FOCAD: variants seen among roughly 807,000 people sequenced by gnomAD.
The protein encoded by FOCAD is focadhesin, also known as KIAA1797.
Under a neutral mutation model 225.6 loss-of-function variants are expected in FOCAD, and 198 were observed. The observed-to-expected ratio is 0.88, with a 90% CI of 0.78 to 0.99. The LOEUF (loss-of-function observed/expected upper bound fraction) is 0.99. FOCAD is among the 50% of genes least tolerant of loss of function. The pLI is 0.00. For synonymous variants in FOCAD, 897 were observed against 755.0 expected (o/e 1.19, Z -3.08); for missense variants, 2,713 against 2,123.6 (o/e 1.28, Z -5.46).
Position 20,793,142 on chromosome 9 carries a change from T to A in FOCAD, c.1455+3534T>A, listed in dbSNP as rs1820710747. Among the ~76,000 whole-genome samples, 5 of 152,108 alleles carry A rather than the reference T, an allele frequency of 3.3e-5. No individual in the cohort carries two copies. In the South Asian group the frequency reaches 1.0e-3, roughly 32 times the overall value. Reference sequence around the variant, plus strand: ...ATGTACAGTACTTTTAATAAATAGCTTGATAGATAAGAAGTAGTGTACTAC... The same window carrying A: ...ATGTACAGTACTTTTAATAAATAGCATGATAGATAAGAAGTAGTGTACTAC... On this transcript the variant is annotated intron_variant, in intron 11 of 43. Transcript: ENST00000338382.
intron 1 of FOCAD, among the ~76,000 whole-genome samples, chr9:20,692,439 G>T (rs10738564): frequency 1.3e-5 from 2 of 152,084 alleles, no homozygotes; most frequent in African/African-American, 4.8e-5. Flanking sequence ...GTTTATGTCC[G>T]GATCTTGCAG....
rs117391951 is a variant in FOCAD, at chr9:20,788,196, T to C, written c.1198-1155T>C. Among the ~76,000 whole-genome samples, 11 of 152,260 alleles carry C rather than the reference T, an allele frequency of 7.2e-5. No individual in the cohort carries two copies. In the East Asian group the frequency reaches 1.9e-3, roughly 27 times the overall value. ...GGATGAACCTTGAAATCATGCTAAG[T>C]GAAAGAAGCTGGTCACAAAGGACCA... On this transcript the variant is annotated intron_variant, in intron 10 of 43. Coordinates refer to ENST00000338382, the MANE Select transcript of FOCAD (RefSeq NM_001375567.1).
At chr9:20,801,254 G>A (rs1333616324) in intron 11 of FOCAD, among the ~76,000 whole-genome samples, 1 of 152,136 alleles carries the variant, frequency 6.6e-6, no homozygotes, top group Admixed American at 6.5e-5. Flanking sequence ...GCGTTACATG[G>A]GATAAAGAGG....
intron 3 of FOCAD, among the ~76,000 whole-genome samples, chr9:20,719,043 C>T (rs990065362): frequency 2.0e-5 from 3 of 151,782 alleles, no homozygotes; most frequent in Admixed American, 1.3e-4. Context: ...GATTCTTAGC[C>T]AGCTACAGAG....
chr9:20,880,475 T>C (rs931027639), intron 19 of FOCAD, among the ~76,000 whole-genome samples: 5 of 152,150 alleles, frequency 3.3e-5, no homozygotes, highest in Admixed American at 2.6e-4. Flanking sequence ...ACTCCAGTGG[T>C]TGAAACCAAC....
chr9:20,737,131 A>G (rs1827216286), intron 4 of FOCAD, among the ~76,000 whole-genome samples: 2 of 152,182 alleles, frequency 1.3e-5, no homozygotes, highest in Non-Finnish European at 2.9e-5. Flanking sequence ...TCTACACAAT[A>G]AAATCTGGAT....
At chr9:20,816,940 C>G (rs1201987318) in intron 11 of FOCAD, among the ~76,000 whole-genome samples, 1 of 152,038 alleles carries the variant, frequency 6.6e-6, no homozygotes, top group African/African-American at 2.4e-5. Context: ...AGGTTGTATA[C>G]AAATACCTAT....
chr9:20,990,071 A>G, intron 41 of FOCAD, 52 bp from the exon 42 acceptor site: 1 of 1,605,492 alleles, frequency 6.2e-7, no homozygotes, highest in Admixed American at 1.7e-5. Context: ...AACATGTGTT[A>G]CTTTGAATTG....
intron 2 of FOCAD, among the ~76,000 whole-genome samples, chr9:20,678,866 G>T (rs1822314470): frequency 6.6e-6 from 1 of 152,128 alleles, no homozygotes; most frequent in Non-Finnish European, 1.5e-5. Flanking sequence ...CCATACCTCT[G>T]TTTATAGTCT....
chr9:20,738,302 C>T (rs1827315560), intron 4 of FOCAD, among the ~76,000 whole-genome samples: 1 of 152,200 alleles, frequency 6.6e-6, no homozygotes, highest in South Asian at 2.1e-4. Context: ...GAGGCAATTA[C>T]ACTTCATTCT....
chr9:20,725,143 G>T (rs1224407865), intron 4 of FOCAD, among the ~76,000 whole-genome samples: 1 of 152,234 alleles, frequency 6.6e-6, no homozygotes, highest in Admixed American at 6.5e-5. Context: ...CTGCACTCCA[G>T]CCTGGACAAC....
intron 5 of FOCAD, among the ~76,000 whole-genome samples, chr9:20,742,350 A>T (rs879793530): frequency 2.0e-5 from 3 of 152,168 alleles, no homozygotes; most frequent in Non-Finnish European, 4.4e-5. Context: ...GTGCATCCTA[A>T]TTACTTGGGG....
chr9:20,884,963 G>T (rs544261554), intron 20 of FOCAD, 146 bp from the exon 21 acceptor site: 4 of 255,188 alleles, frequency 1.6e-5, no homozygotes, highest in Non-Finnish European at 2.0e-5. Context: ...GGAGGCTGAG[G>T]CAGAAGAATC....
At chr9:20,940,138 C>T (rs1037697251) in intron 28 of FOCAD, among the ~76,000 whole-genome samples, 1 of 152,118 alleles carries the variant, frequency 6.6e-6, no homozygotes, top group Non-Finnish European at 1.5e-5. Context: ...GGACACTTGC[C>T]TGTCTGTTAG....
In FOCAD at chr9:20,929,464, T is replaced by G; in HGVS notation, c.3185T>G (p.Val1062Gly). 1 of 1,614,148 alleles carries G rather than the reference T, an allele frequency of 6.2e-7. No homozygotes were observed. Among genetic ancestry groups the G allele is most frequent in the Non-Finnish European group, 8.5e-7 (1 of 1,180,024 alleles). Residue 1062 changes from valine to glycine, a missense_variant, in exon 27 of 44, where the codon GTT becomes GGT. Physicochemically the swap from Val to Gly is moderately radical, Grantham distance 109. Coordinates refer to ENST00000338382, the MANE Select transcript of FOCAD (RefSeq NM_001375567.1). ...TTCATTATCTCTTGCAAAGAGAAGGTTGAGGAAATCCTGAACATGCTGACT... is the reference window on the plus strand; with the variant it reads ...TTCATTATCTCTTGCAAAGAGAAGGGTGAGGAAATCCTGAACATGCTGACT... ...PVFIISCKEK[V>G]EEILNMLTAR...
intron 5 of FOCAD, among the ~76,000 whole-genome samples, chr9:20,746,980 C>T (rs932676856): frequency 2.6e-5 from 4 of 152,164 alleles, no homozygotes; most frequent in African/African-American, 9.7e-5. Flanking sequence ...GTCCCTCTTG[C>T]CCCTCATTGG....
chr9:20,905,947 T>TTA (rs1554721292), intron 21 of FOCAD, among the ~76,000 whole-genome samples: 5 of 151,132 alleles, frequency 3.3e-5, no homozygotes, highest in African/African-American at 7.3e-5. Context: ...TTTTTTTTTT[T>TTA]AAAAACAGCA....
intron 4 of FOCAD, among the ~76,000 whole-genome samples, chr9:20,723,693 TAAC>T (rs1373622645): frequency 1.3e-5 from 2 of 152,224 alleles, no homozygotes; most frequent in Non-Finnish European, 2.9e-5. Context: ...TTTCCTTCCT[TAAC>T]AAACAGAAAT....
Position 20,661,893 on chromosome 9 carries a change from A to G in FOCAD, c.-78+3067A>G, listed in dbSNP as rs569942457. Reference sequence around the variant, plus strand: ...AAGCTTGGAAACCTCTGAAATGGCCATCAAAAAATGCTGCTGTAAAAGAAA... The same window carrying G: ...AAGCTTGGAAACCTCTGAAATGGCCGTCAAAAAATGCTGCTGTAAAAGAAA... On this transcript the variant is annotated intron_variant, in intron 2 of 45. Coordinates refer to the FOCAD transcript ENST00000380249. Among the ~76,000 whole-genome samples the G allele has an allele frequency of 1.1e-4, 17 of 152,324 alleles. 1 individual carries two copies. Among genetic ancestry groups the G allele is most frequent in the Admixed American group, 1.1e-3 (17 of 15,304 alleles).
Sources: allele counts gnomAD v4.1 joint callset (sites outside exome capture counted in the v4.1 genomes callset), GRCh38; gene constraint gnomAD v4.1.1; transcripts MANE v1.5; gene names NCBI Gene and HGNC (gene_info 2026-07-23, HGNC 2026-07-21).